The following NKAIN2 variants were observed in gnomAD, a reference collection of about 807,000 sequenced individuals.
The protein encoded by NKAIN2 is sodium/potassium-transporting ATPase subunit beta-1-interacting protein 2.
A neutral mutation model predicts 32.6 loss-of-function variants in NKAIN2; 14 were observed. That is an observed-to-expected ratio of 0.43 (90% CI 0.28 to 0.67). The LOEUF (loss-of-function observed/expected upper bound fraction) is 0.67. Among genes scored for constraint, NKAIN2 ranks in the 30% least tolerant of loss-of-function variants. The pLI, the probability that NKAIN2 is intolerant of heterozygous loss-of-function variation, is 0.17. For missense variants in NKAIN2, 198 were observed against 258.3 expected, an observed-to-expected ratio of 0.77 and a Z score of 1.60; for synonymous variants, 80 against 87.2, an observed-to-expected ratio of 0.92 and a Z score of 0.46.
At chr6:124,517,623 C>T (rs1324465314) in intron 3 of NKAIN2, among the ~76,000 whole-genome samples, 1 of 152,010 alleles carries the variant, frequency 6.6e-6, no homozygotes, top group East Asian at 1.9e-4. Context: ...CCTTTGCCTC[C>T]TAGAGAGCCC....
chr6:123,811,296 A>G (rs1196063046), intron 1 of NKAIN2, among the ~76,000 whole-genome samples: 1 of 152,006 alleles, frequency 6.6e-6, no homozygotes, highest in East Asian at 1.9e-4. Context: ...GTATTGAAAT[A>G]TAGAGGAATC....
intron 4 of NKAIN2, among the ~76,000 whole-genome samples, chr6:124,790,954 T>C (rs1779719925): frequency 6.6e-6 from 1 of 152,112 alleles, no homozygotes; most frequent in African/African-American, 2.4e-5. Flanking sequence ...GGTCTGTGGG[T>C]GTCCAAGTTT....
chr6:124,381,877 C>CA (rs201820976), intron 3 of NKAIN2, among the ~76,000 whole-genome samples: 3,269 of 152,226 alleles, frequency 0.021, 83 homozygotes, highest in Middle Eastern at 0.048. Context: ...CTAAGCTTCT[C>CA]AGTGCTTTAG....
chr6:124,438,175 C>T (rs940760095), intron 3 of NKAIN2, among the ~76,000 whole-genome samples: 1 of 151,944 alleles, frequency 6.6e-6, no homozygotes, highest in South Asian at 2.1e-4. Context: ...AGAAAGAAAA[C>T]CAAAATTTAG....
intron 3 of NKAIN2, among the ~76,000 whole-genome samples, chr6:124,626,012 A>C (rs1456424890): frequency 6.6e-6 from 1 of 151,578 alleles, no homozygotes; most frequent in Non-Finnish European, 1.5e-5. Flanking sequence ...TTACATATGT[A>C]TACATGTGCC....
At chr6:124,567,933 C>T (rs138600644) in intron 3 of NKAIN2, among the ~76,000 whole-genome samples, 171 of 152,288 alleles carry the variant, frequency 1.1e-3, no homozygotes, top group African/African-American at 3.9e-3. Context: ...CTGGGTCCCT[C>T]TGCTTCAAGC....
At chr6:124,009,727 A>C (rs765203770) in intron 1 of NKAIN2, among the ~76,000 whole-genome samples, 1 of 152,196 alleles carries the variant, frequency 6.6e-6, no homozygotes. Context: ...CATAAAATAA[A>C]TAGGAACATT....
chr6:124,768,257 AC>A (rs1463280024), intron 4 of NKAIN2, among the ~76,000 whole-genome samples: 1 of 152,204 alleles, frequency 6.6e-6, no homozygotes, highest in Non-Finnish European at 1.5e-5. Flanking sequence ...AGTATAACAA[AC>A]CAGGATGGAG....
At chr6:124,451,380 A>C (rs1776101163) in intron 3 of NKAIN2, among the ~76,000 whole-genome samples, 1 of 152,198 alleles carries the variant, frequency 6.6e-6, no homozygotes, top group South Asian at 2.1e-4. Context: ...AAAGTTCTTA[A>C]GACAAATATA....
intron 1 of NKAIN2, among the ~76,000 whole-genome samples, chr6:124,276,687 T>A (rs1276848669): frequency 1.3e-5 from 2 of 152,162 alleles, no homozygotes; most frequent in Non-Finnish European, 1.5e-5. Context: ...ATTGTGATAT[T>A]TTAGGCAATC....
rs559068911 is a variant in NKAIN2, at chr6:124,441,997, G to A, written c.273+86650G>A. ...TACATACACATAAGACTAGCACTTGGGCTGATGCTGAGTCTTCTGTCGTGT... is the reference window on the plus strand; with the variant it reads ...TACATACACATAAGACTAGCACTTGAGCTGATGCTGAGTCTTCTGTCGTGT... On this transcript the variant is annotated intron_variant, in intron 3 of 6. Coordinates refer to ENST00000368417, the MANE Select transcript of NKAIN2 (RefSeq NM_001040214.3). Among the ~76,000 whole-genome samples, 4 of 152,028 alleles carry A rather than the reference G, an allele frequency of 2.6e-5. No individual in the cohort carries two copies. The East Asian group carries it at 7.8e-4, about 30-fold the overall frequency.
chr6:124,798,196 C>T (rs1023829479), intron 5 of NKAIN2, among the ~76,000 whole-genome samples: 1 of 152,038 alleles, frequency 6.6e-6, no homozygotes, highest in Non-Finnish European at 1.5e-5. Context: ...TTATAAATCA[C>T]TCTTCAAACA....
chr6:123,938,553 T>C (rs1160572044), intron 1 of NKAIN2, among the ~76,000 whole-genome samples: 1 of 141,538 alleles, frequency 7.1e-6, no homozygotes, highest in Non-Finnish European at 1.5e-5. Flanking sequence ...ATTATATATT[T>C]ATATATTTTT....
chr6:124,621,860 C>T (rs1783118897), intron 3 of NKAIN2, among the ~76,000 whole-genome samples: 1 of 152,098 alleles, frequency 6.6e-6, no homozygotes, highest in African/African-American at 2.4e-5. Flanking sequence ...TCCTTCCCTC[C>T]CCTTGCAATA....
chr6:124,452,499 A>C (rs1255749775), intron 3 of NKAIN2, among the ~76,000 whole-genome samples: 1 of 152,144 alleles, frequency 6.6e-6, no homozygotes, highest in African/African-American at 2.4e-5. Context: ...TTATAAATGA[A>C]TGCTTAAAGA....
chr6:124,229,573 C>G (rs1297337171), intron 1 of NKAIN2, among the ~76,000 whole-genome samples: 1 of 151,904 alleles, frequency 6.6e-6, no homozygotes, highest in African/African-American at 2.4e-5. Context: ...GGGTTTGGCT[C>G]TGTGTCCCCA....
intron 1 of NKAIN2, among the ~76,000 whole-genome samples, chr6:124,257,116 T>C (rs574584581): frequency 4.5e-4 from 69 of 152,150 alleles, no homozygotes; most frequent in Non-Finnish European, 8.8e-4. Flanking sequence ...ATCAGACTGG[T>C]CATACAAAAA....
At chr6:124,088,304 C>T (rs565104007) in intron 1 of NKAIN2, among the ~76,000 whole-genome samples, 82 of 151,902 alleles carry the variant, frequency 5.4e-4, no homozygotes, top group Middle Eastern at 6.8e-3. Context: ...TGCCTGTATC[C>T]CAGCTACTCG....
chr6:124,307,102 C>A (rs1796538018), intron 2 of NKAIN2, among the ~76,000 whole-genome samples: 1 of 151,994 alleles, frequency 6.6e-6, no homozygotes, highest in African/African-American at 2.4e-5. Context: ...AGGACCTCTA[C>A]AAGAAAATTG....
Sources: gnomAD v4.1 joint callset for allele counts (sites outside exome capture counted in the v4.1 genomes callset) on GRCh38, gnomAD v4.1.1 for gene constraint, MANE v1.5 for transcripts, NCBI Gene and HGNC (gene_info 2026-07-23, HGNC 2026-07-21) for gene names.